The following IL1RAPL1 variants were observed in gnomAD, a reference collection of about 807,000 sequenced individuals.
The protein encoded by IL1RAPL1 is interleukin-1 receptor accessory protein-like 1.
IL1RAPL1 carries 3 observed loss-of-function variants against 48.4 expected under a neutral mutation model. That is an observed-to-expected ratio of 0.06 (90% CI 0.03 to 0.16). The LOEUF (loss-of-function observed/expected upper bound fraction) is 0.16. Ranked by LOEUF, IL1RAPL1 falls within the 10% of genes least tolerant of loss-of-function variation. The pLI is 1.00. For missense variants in IL1RAPL1, 349 were observed against 530.6 expected (o/e 0.66, Z 3.36); for synonymous variants, 185 against 187.7 (o/e 0.99, Z 0.12).
chrX:29,938,911 A>G (rs200452803), intron 8 of IL1RAPL1, among the ~76,000 whole-genome samples: 6 of 112,435 alleles, frequency 5.3e-5, no homozygotes, highest in Non-Finnish European at 9.4e-5. Flanking sequence ...GCGTATCAGT[A>G]GTTTACTACT....
chrX:28,829,615 A>G (rs1156918169), intron 2 of IL1RAPL1, among the ~76,000 whole-genome samples: 4 of 101,664 alleles, frequency 3.9e-5, no homozygotes, highest in Admixed American at 2.2e-4. Context: ...GCTGGAGTGC[A>G]GTGGCACAAT....
chrX:28,970,948 A>G (rs768659871), intron 2 of IL1RAPL1, among the ~76,000 whole-genome samples: 1 of 111,703 alleles, frequency 9.0e-6, no homozygotes, highest in South Asian at 3.7e-4. Flanking sequence ...AAAAAAGCAC[A>G]TGTAGAATAT....
intron 2 of IL1RAPL1, among the ~76,000 whole-genome samples, chrX:29,154,432 C>G (rs1166195368): frequency 9.1e-6 from 1 of 109,781 alleles, no homozygotes. Context: ...CCCAGTTACT[C>G]AGGAGGCTGA....
chrX:28,710,123 A>G (rs1277444746), intron 1 of IL1RAPL1, among the ~76,000 whole-genome samples: 1 of 111,217 alleles, frequency 9.0e-6, no homozygotes, highest in Non-Finnish European at 1.9e-5. Context: ...AGAAACACTT[A>G]TGGAAGCCTC....
At chrX:29,094,859 A>G (rs1569235670) in intron 2 of IL1RAPL1, among the ~76,000 whole-genome samples, 2 of 105,300 alleles carry the variant, frequency 1.9e-5, no homozygotes, top group African/African-American at 6.8e-5. Flanking sequence ...AAAAAAGAAA[A>G]CAACTACTGA....
At position 29,468,745 on chromosome X, in the gene IL1RAPL1, G is replaced by C. The variant is rs560296689; in HGVS notation, c.703+69437G>C. Reference sequence around the variant, plus strand: ...ATAGCCAGAATGCTTGATTAAGATGGGCACATTTGTGGTTCCCCTCATGGC... The same window carrying C: ...ATAGCCAGAATGCTTGATTAAGATGCGCACATTTGTGGTTCCCCTCATGGC... On this transcript the variant is annotated intron_variant, in intron 5 of 10. Coordinates refer to ENST00000378993, the MANE Select transcript of IL1RAPL1 (RefSeq NM_014271.4). Among the ~76,000 whole-genome samples, 5 of 111,639 alleles carry C rather than the reference G, an allele frequency of 4.5e-5. No homozygotes were observed. The South Asian group carries it at 1.9e-3, about 42-fold the overall frequency.
rs1213622621 is a variant in IL1RAPL1, at chrX:29,728,273, A to T, written c.778+59769A>T. On this transcript the variant is annotated intron_variant, in intron 6 of 10. Coordinates refer to ENST00000378993, the MANE Select transcript of IL1RAPL1 (RefSeq NM_014271.4). ...CTTTCTTTTCTTTACACATAATTCC[A>T]AAATCAAAAATAGCTCCGAGATACC... Among the ~76,000 whole-genome samples the T allele has an allele frequency of 3.6e-5, 4 of 111,526 alleles. No homozygotes were observed. In the Admixed American group the frequency reaches 3.8e-4, roughly 11 times the overall value.
intron 6 of IL1RAPL1, among the ~76,000 whole-genome samples, chrX:29,911,246 G>T (rs1436763145): frequency 9.0e-6 from 1 of 111,484 alleles, no homozygotes; most frequent in Non-Finnish European, 1.9e-5. Context: ...GACATAAAAG[G>T]CAATAATATT....
chrX:29,147,559 A>G (rs1929375526), intron 2 of IL1RAPL1, among the ~76,000 whole-genome samples: 1 of 111,615 alleles, frequency 9.0e-6, no homozygotes, highest in Non-Finnish European at 1.9e-5. Flanking sequence ...GACCAGAACT[A>G]TAACCAAATT....
At chrX:28,707,628 T>C (rs780980786) in intron 1 of IL1RAPL1, among the ~76,000 whole-genome samples, 6 of 112,191 alleles carry the variant, frequency 5.3e-5, no homozygotes, top group African/African-American at 1.9e-4. Context: ...CCTGAAAATC[T>C]ACTTTGGTGG....
At chrX:29,587,642 C>A (rs1290179746) in intron 5 of IL1RAPL1, among the ~76,000 whole-genome samples, 3 of 111,946 alleles carry the variant, frequency 2.7e-5, no homozygotes, top group Non-Finnish European at 5.6e-5. Flanking sequence ...ATATAAACAA[C>A]TTGTATTTCT....
At chrX:29,449,958 A>G (rs1934660326) in intron 5 of IL1RAPL1, among the ~76,000 whole-genome samples, 1 of 110,239 alleles carries the variant, frequency 9.1e-6, no homozygotes, top group African/African-American at 3.3e-5. Flanking sequence ...GAAGAAAGCT[A>G]TATTGAGGAA....
chrX:28,720,396 T>C (rs1935556774), intron 1 of IL1RAPL1, among the ~76,000 whole-genome samples: 1 of 111,921 alleles, frequency 8.9e-6, no homozygotes, highest in Non-Finnish European at 1.9e-5. Flanking sequence ...CTGATACTAG[T>C]TGCAGCTATA....
intron 1 of IL1RAPL1, among the ~76,000 whole-genome samples, chrX:28,683,850 C>T (rs752780013): frequency 8.9e-6 from 1 of 112,160 alleles, no homozygotes; most frequent in African/African-American, 3.2e-5. Flanking sequence ...CTGACCTCTC[C>T]GTTCATCATC....
chrX:29,885,736 T>C lies in IL1RAPL1; in HGVS notation c.779-31728T>C, dbSNP rs1360655754. ...CGGGAAGCTGAGGCGGGAGGTTCAC[T>C]TGAGCCCAGGTGTTCGAGGATGCAG... On this transcript the variant is annotated intron_variant, in intron 6 of 10. Coordinates refer to ENST00000378993, the MANE Select transcript of IL1RAPL1 (RefSeq NM_014271.4). 4.5e-5 allele frequency among the ~76,000 whole-genome samples: 5 copies of C among 111,693 alleles called. No homozygotes were observed. In the South Asian group the frequency reaches 1.9e-3, roughly 42 times the overall value.
intron 2 of IL1RAPL1, among the ~76,000 whole-genome samples, chrX:28,918,146 T>C (rs1390761788): frequency 2.7e-5 from 3 of 112,411 alleles, no homozygotes; most frequent in Non-Finnish European, 5.6e-5. Flanking sequence ...TTCTGGCAAA[T>C]GCCACTTTTT....
At chrX:28,970,938 A>T (rs1925055316) in intron 2 of IL1RAPL1, among the ~76,000 whole-genome samples, 2 of 111,526 alleles carry the variant, frequency 1.8e-5, no homozygotes, top group African/African-American at 6.5e-5. Context: ...ATACCAGTCT[A>T]AAAAAGCACA....
chrX:29,945,082 T>C (rs949803448), intron 9 of IL1RAPL1, among the ~76,000 whole-genome samples: 1 of 111,902 alleles, frequency 8.9e-6, no homozygotes, highest in Non-Finnish European at 1.9e-5. Context: ...ACACAAATCC[T>C]CGCCCTTCTC....
intron 2 of IL1RAPL1, among the ~76,000 whole-genome samples, chrX:29,148,030 GAGAA>G (rs1312001242): frequency 5.4e-5 from 6 of 111,914 alleles, no homozygotes; most frequent in East Asian, 5.6e-4. Context: ...TTTGCTCACA[GAGAA>G]AGAGAGACAG....
Sources: gnomAD v4.1 joint callset for allele counts (sites outside exome capture counted in the v4.1 genomes callset) on GRCh38, gnomAD v4.1.1 for gene constraint, MANE v1.5 for transcripts, NCBI Gene and HGNC (gene_info 2026-07-23, HGNC 2026-07-21) for gene names.